The following IQCJ variants were observed in gnomAD, a reference collection of about 807,000 sequenced individuals.
IQCJ encodes the protein IQ domain-containing protein J.
In IQCJ, 9 loss-of-function variants were observed where a neutral mutation model predicts 11.0. The ratio of observed to expected loss-of-function variants is 0.82; its 90% CI spans 0.49 to 1.43. IQCJ has a LOEUF of 1.43. Among genes scored for constraint, IQCJ ranks in the 40% most tolerant of loss-of-function variants. The pLI is 0.00. For synonymous variants in IQCJ, 55 were observed against 51.3 expected, an observed-to-expected ratio of 1.07 and a Z score of -0.31; for missense variants, 146 against 133.2, an observed-to-expected ratio of 1.10 and a Z score of -0.47.
intron 3 of IQCJ, 66 bp downstream of exon 3, chr3:159,252,873 G>A: frequency 6.7e-7 from 1 of 1,489,632 alleles, no homozygotes; most frequent in Non-Finnish European, 9.2e-7. Context: ...AATAAATCTG[G>A]AATTTTCGGG....
intron 1 of IQCJ, among the ~76,000 whole-genome samples, chr3:159,083,731 G>A (rs1264733869): frequency 6.6e-6 from 1 of 152,144 alleles, no homozygotes; most frequent in Non-Finnish European, 1.5e-5. Flanking sequence ...TGTGTGACTG[G>A]TTAGTCAAAC....
chr3:159,140,114 T>A (rs759987853), intron 1 of IQCJ, among the ~76,000 whole-genome samples: 288 of 152,238 alleles, frequency 1.9e-3, no homozygotes, highest in Non-Finnish European at 2.6e-3. Flanking sequence ...CACACCTGAG[T>A]GGTACATTTG....
chr3:159,193,783 T>C (rs1019141862), intron 1 of IQCJ, among the ~76,000 whole-genome samples: 1 of 152,204 alleles, frequency 6.6e-6, no homozygotes, highest in Non-Finnish European at 1.5e-5. Flanking sequence ...ACTGGTCCTT[T>C]TCACTGGCAG....
intron 1 of IQCJ, among the ~76,000 whole-genome samples, chr3:159,113,445 G>T (rs972609070): frequency 6.6e-6 from 1 of 152,204 alleles, no homozygotes; most frequent in African/African-American, 2.4e-5. Context: ...AAAAGAAAGA[G>T]AAGTTACATA....
chr3:159,091,693 C>T (rs1157535303), intron 1 of IQCJ, among the ~76,000 whole-genome samples: 2 of 150,508 alleles, frequency 1.3e-5, no homozygotes, highest in African/African-American at 2.5e-5. Context: ...CACACACACA[C>T]ACACACACAC....
chr3:159,257,471 T>C (rs1334757073), intron 3 of IQCJ, among the ~76,000 whole-genome samples: 1 of 152,072 alleles, frequency 6.6e-6, no homozygotes, highest in Non-Finnish European at 1.5e-5. Flanking sequence ...AAGAGACCTA[T>C]GGAAAGAGCC....
chr3:159,137,601 A>G (rs887763118), intron 1 of IQCJ, among the ~76,000 whole-genome samples: 3 of 152,218 alleles, frequency 2.0e-5, no homozygotes, highest in Non-Finnish European at 4.4e-5. Flanking sequence ...TTTAGCAAAT[A>G]ACTGTATAAC....
At chr3:159,228,276 T>C (rs1448721926) in intron 1 of IQCJ, among the ~76,000 whole-genome samples, 1 of 152,192 alleles carries the variant, frequency 6.6e-6, no homozygotes, top group African/African-American at 2.4e-5. Flanking sequence ...TAGGCTTTCT[T>C]TCTGAACATG....
At chr3:159,230,320 G>A (rs776953868) in intron 1 of IQCJ, among the ~76,000 whole-genome samples, 2 of 152,052 alleles carry the variant, frequency 1.3e-5, no homozygotes, top group Non-Finnish European at 1.5e-5. Flanking sequence ...ATTCCATGTC[G>A]TTTCTATTGT....
At chr3:159,087,421 T>C (rs1358164878) in intron 1 of IQCJ, among the ~76,000 whole-genome samples, 1 of 147,890 alleles carries the variant, frequency 6.8e-6, no homozygotes, top group East Asian at 2.0e-4. Context: ...ATCAGGATGA[T>C]GCTGGCCTCA....
intron 1 of IQCJ, among the ~76,000 whole-genome samples, chr3:159,152,508 G>C (rs1374282603): frequency 6.6e-6 from 1 of 152,142 alleles, no homozygotes; most frequent in Non-Finnish European, 1.5e-5. Flanking sequence ...TAAAGACCTG[G>C]GGTTAAATAC....
chr3:159,089,974 C>G (rs1456623289), intron 1 of IQCJ, among the ~76,000 whole-genome samples: 2 of 151,820 alleles, frequency 1.3e-5, no homozygotes, highest in Non-Finnish European at 2.9e-5. Context: ...GAACTGCATT[C>G]CTTTGGAGGA....
At chr3:159,255,761 C>T (rs990695312) in intron 3 of IQCJ, among the ~76,000 whole-genome samples, 4 of 152,116 alleles carry the variant, frequency 2.6e-5, no homozygotes. Context: ...CAAAAGCAAT[C>T]AAGATCGTAT....
intron 1 of IQCJ, among the ~76,000 whole-genome samples, chr3:159,113,604 A>G (rs371505556): frequency 8.5e-5 from 13 of 152,322 alleles, no homozygotes; most frequent in East Asian, 7.7e-4. Context: ...CTGCCCTTAC[A>G]ACACCTACAA....
intron 1 of IQCJ, among the ~76,000 whole-genome samples, chr3:159,152,289 G>T (rs892160218): frequency 6.6e-6 from 1 of 152,148 alleles, no homozygotes; most frequent in Admixed American, 6.5e-5. Flanking sequence ...TTTCTTTTGT[G>T]CTTGGAAGTA....
At chr3:159,125,635 C>T (rs1025003838) in intron 1 of IQCJ, among the ~76,000 whole-genome samples, 1 of 152,172 alleles carries the variant, frequency 6.6e-6, no homozygotes, top group African/African-American at 2.4e-5. Context: ...TTTAAAAAGG[C>T]AAGGTCACAG....
intron 1 of IQCJ, among the ~76,000 whole-genome samples, chr3:159,182,033 A>G (rs913777822): frequency 6.6e-6 from 1 of 151,920 alleles, no homozygotes; most frequent in Admixed American, 6.5e-5. Context: ...ACCCCTGCAC[A>G]CTGGCCTTGT....
chr3:159,208,531 G>A (rs1339794857), intron 1 of IQCJ, among the ~76,000 whole-genome samples: 2 of 152,090 alleles, frequency 1.3e-5, no homozygotes, highest in East Asian at 1.9e-4. Flanking sequence ...CCCTTTCCAG[G>A]GTACTTGTCC....
chr3:159,124,177 C>A (rs569230053), intron 1 of IQCJ, among the ~76,000 whole-genome samples: 1 of 152,274 alleles, frequency 6.6e-6, no homozygotes, highest in South Asian at 2.1e-4. Flanking sequence ...CTCTGGACTC[C>A]TTCCACTTCT....
Sources: gnomAD v4.1 joint callset for allele counts (sites outside exome capture counted in the v4.1 genomes callset) on GRCh38, gnomAD v4.1.1 for gene constraint, MANE v1.5 for transcripts, NCBI Gene and HGNC (gene_info 2026-07-23, HGNC 2026-07-21) for gene names.